Variants in FOXP1 observed in about 807,000 individuals in gnomAD.
FOXP1 encodes forkhead box protein P1.
FOXP1 carries 15 observed loss-of-function variants against 98.2 expected under a neutral mutation model. The ratio of observed to expected loss-of-function variants is 0.15; its 90% CI spans 0.10 to 0.24. The LOEUF is 0.24. Among genes scored for constraint, FOXP1 ranks in the 10% least tolerant of loss-of-function variants. The pLI, the probability that FOXP1 is intolerant of heterozygous loss-of-function variation, is 1.00. For missense variants in FOXP1, 633 were observed against 848.5 expected (o/e 0.75, Z 3.15); for synonymous variants, 371 against 314.5 (o/e 1.18, Z -1.90).
At chr3:71,241,232 CAAAAAAACAAA>C (rs552035840) in intron 5 of FOXP1, among the ~76,000 whole-genome samples, 1 of 140,226 alleles carries the variant, frequency 7.1e-6, no homozygotes, top group African/African-American at 2.7e-5. Context: ...CAAAACAAAA[CAAAAAAACAAA>C]AAAAAAACTT....
At chr3:71,352,471 A>AG in intron 4 of FOXP1, among the ~76,000 whole-genome samples, 1 of 14,334 alleles carries the variant, frequency 7.0e-5, no homozygotes, top group Non-Finnish European at 6.3e-4. Flanking sequence ...ACTCCATCTC[A>AG]AAAAAAAAAA....
intron 5 of FOXP1, among the ~76,000 whole-genome samples, chr3:71,240,259 G>A (rs17043905): frequency 0.11 from 16,137 of 152,288 alleles, 1,066 homozygotes; most frequent in South Asian, 0.24. Flanking sequence ...GCCATGGGGA[G>A]AATCCGTTCA....
intron 2 of FOXP1, among the ~76,000 whole-genome samples, chr3:71,530,456 T>A (rs1315890595): frequency 1.3e-5 from 2 of 152,144 alleles, no homozygotes; most frequent in Admixed American, 1.3e-4. Context: ...AATGATCCAG[T>A]CTGTGGATTC....
chr3:71,410,524 C>T (rs1314416029), intron 3 of FOXP1, among the ~76,000 whole-genome samples: 1 of 152,194 alleles, frequency 6.6e-6, no homozygotes, highest in Non-Finnish European at 1.5e-5. Context: ...TCACTATAAG[C>T]TGTGTCCTTA....
At chr3:71,395,710 T>TA (rs932550992) in intron 3 of FOXP1, among the ~76,000 whole-genome samples, 4 of 152,164 alleles carry the variant, frequency 2.6e-5, no homozygotes, top group African/African-American at 9.7e-5. Flanking sequence ...TCCCAGTACG[T>TA]ACAACACTGC....
intron 5 of FOXP1, among the ~76,000 whole-genome samples, chr3:71,215,781 A>C (rs1576421318): frequency 6.6e-6 from 1 of 152,208 alleles, no homozygotes; most frequent in African/African-American, 2.4e-5. Context: ...GTTATTGTTA[A>C]GAATCAGCTC....
At chr3:71,192,322 G>A (rs1023890049) in intron 6 of FOXP1, among the ~76,000 whole-genome samples, 7 of 152,276 alleles carry the variant, frequency 4.6e-5, no homozygotes, top group African/African-American at 1.2e-4. Flanking sequence ...TATAACCTGC[G>A]TCATTTCCCA....
chr3:71,328,090 A>C (rs1028781800), intron 4 of FOXP1, among the ~76,000 whole-genome samples: 1 of 152,116 alleles, frequency 6.6e-6, no homozygotes, highest in African/African-American at 2.4e-5. Flanking sequence ...AAGATACGTG[A>C]TAAGCTGAAA....
At chr3:71,335,247 G>A (rs984423451) in intron 4 of FOXP1, 6 of 151,952 alleles carry the variant, frequency 3.9e-5, no homozygotes, top group Non-Finnish European at 5.9e-5. Flanking sequence ...ATCGTGCCAC[G>A]GCGCTCCAGC....
chr3:71,583,214 C>G (rs1343423420), intron 1 of FOXP1, among the ~76,000 whole-genome samples: 1 of 152,006 alleles, frequency 6.6e-6, no homozygotes, highest in Non-Finnish European at 1.5e-5. Context: ...TACGGGCAGG[C>G]GATCTCGCCT....
chr3:70,997,175 T>C (rs749186414), intron 13 of FOXP1, among the ~76,000 whole-genome samples: 2 of 152,218 alleles, frequency 1.3e-5, no homozygotes, highest in Admixed American at 6.5e-5. Context: ...GGAGGGACGA[T>C]GCCAACAGAA....
chr3:71,408,761 T>A (rs868134816), intron 3 of FOXP1, among the ~76,000 whole-genome samples: 7 of 152,318 alleles, frequency 4.6e-5, no homozygotes, highest in Middle Eastern at 3.4e-3. Context: ...AGACACCCTG[T>A]CATAACCATT....
chr3:71,247,537 T>G (rs1002139707), intron 5 of FOXP1, among the ~76,000 whole-genome samples: 2 of 152,088 alleles, frequency 1.3e-5, no homozygotes, highest in African/African-American at 4.8e-5. Flanking sequence ...GTAAATAAAA[T>G]CAGGCCGAGG....
At chr3:71,019,676 C>T (rs751588803) in intron 11 of FOXP1, among the ~76,000 whole-genome samples, 8 of 152,090 alleles carry the variant, frequency 5.3e-5, no homozygotes, top group Non-Finnish European at 1.0e-4. Flanking sequence ...CTAAAAAATA[C>T]AAAAATTAGT....
chr3:71,240,792 G>A (rs1188422482), intron 5 of FOXP1, among the ~76,000 whole-genome samples: 5 of 151,400 alleles, frequency 3.3e-5, no homozygotes, highest in Admixed American at 6.6e-5. Flanking sequence ...TGATCTGCCC[G>A]CCCTGGCCTC....
chr3:71,409,285 A>C (rs2082558379), intron 3 of FOXP1, among the ~76,000 whole-genome samples: 1 of 152,184 alleles, frequency 6.6e-6, no homozygotes, highest in African/African-American at 2.4e-5. Flanking sequence ...AACATTATAT[A>C]GTGTTTGATT....
intron 2 of FOXP1, among the ~76,000 whole-genome samples, chr3:71,519,205 C>CA (rs1367395251): frequency 6.6e-6 from 1 of 152,190 alleles, no homozygotes; most frequent in Non-Finnish European, 1.5e-5. Context: ...GAGATTGTGC[C>CA]ACTGCACTCC....
chr3:71,244,503 GA>G (rs59857852), intron 5 of FOXP1, among the ~76,000 whole-genome samples: 41 of 142,004 alleles, frequency 2.9e-4, no homozygotes, highest in East Asian at 2.0e-3. Context: ...TTGAAAAAGG[GA>G]AAAAAAAAAA....
intron 7 of FOXP1, among the ~76,000 whole-genome samples, chr3:71,101,486 T>C (rs2056954197): frequency 6.6e-6 from 1 of 151,862 alleles, no homozygotes; most frequent in Non-Finnish European, 1.5e-5. Context: ...GGGTACTGAT[T>C]TGAAGAAGTT....
Sources: allele counts gnomAD v4.1 joint callset (sites outside exome capture counted in the v4.1 genomes callset), GRCh38; gene constraint gnomAD v4.1.1; transcripts MANE v1.5; gene names NCBI Gene and HGNC (gene_info 2026-07-23, HGNC 2026-07-21).